The following ERBB4 variants were observed in gnomAD, a reference collection of about 807,000 sequenced individuals.
The protein encoded by ERBB4 is receptor tyrosine-protein kinase erbB-4.
In ERBB4, 42 loss-of-function variants were observed where a neutral mutation model predicts 158.0. The observed-to-expected ratio is 0.27, with a 90% CI of 0.21 to 0.34. The LOEUF (loss-of-function observed/expected upper bound fraction) is 0.34. Among genes scored for constraint, ERBB4 ranks in the 10% least tolerant of loss-of-function variants. ERBB4 has a pLI of 1.00. For missense variants in ERBB4, 1,333 were observed against 1,624.1 expected, an observed-to-expected ratio of 0.82 and a Z score of 3.08; for synonymous variants, 583 against 558.7, an observed-to-expected ratio of 1.04 and a Z score of -0.61.
chr2:212,055,858 A>C (rs534235095), intron 2 of ERBB4, among the ~76,000 whole-genome samples: 1 of 152,372 alleles, frequency 6.6e-6, no homozygotes, highest in South Asian at 2.1e-4. Flanking sequence ...GAAAATTCTA[A>C]AAATTAGACC....
intron 2 of ERBB4, among the ~76,000 whole-genome samples, chr2:212,028,883 A>G (rs1255513039): frequency 2.0e-5 from 3 of 152,222 alleles, no homozygotes; most frequent in Admixed American, 1.3e-4. Context: ...GGAGAGGGAC[A>G]TTCTAGAGTT....
rs2125310392 is a variant in ERBB4 at position 211,383,854 on chromosome 2, G to T, written c.3688C>A (p.Pro1230Thr). 4 of 1,614,104 alleles carry T rather than the reference G, an allele frequency of 2.5e-6. No individual in the cohort carries two copies. ...TCAAACGCTTTCTTGGCCTTCTCTG[G>T]CATTGACAGTATGTTGTTCTTCAGG... ...EYLKNNILSM[P>T]EKAKKAFDNP... Residue 1230 changes from proline to threonine, a missense_variant, in exon 28 of 28, where the codon CCA becomes ACA. Coordinates refer to ENST00000342788, the MANE Select transcript of ERBB4 (RefSeq NM_005235.3).
At chr2:211,833,343 T>G (rs2077267216) in intron 3 of ERBB4, among the ~76,000 whole-genome samples, 1 of 152,160 alleles carries the variant, frequency 6.6e-6, no homozygotes. Flanking sequence ...TTTTCTGCTC[T>G]GCCATTCTCA....
intron 1 of ERBB4, among the ~76,000 whole-genome samples, chr2:212,427,900 G>A (rs1043525323): frequency 6.6e-6 from 1 of 152,118 alleles, no homozygotes; most frequent in African/African-American, 2.4e-5. Context: ...AGGAAGAAGA[G>A]GGATTGAGGG....
chr2:211,748,502 C>T (rs2075037782), intron 5 of ERBB4, among the ~76,000 whole-genome samples: 2 of 151,984 alleles, frequency 1.3e-5, no homozygotes, highest in Non-Finnish European at 2.9e-5. Context: ...TCTTAAGTGC[C>T]CCTACTCAAC....
chr2:211,983,348 C>T (rs1003381473), intron 2 of ERBB4, among the ~76,000 whole-genome samples: 1 of 152,160 alleles, frequency 6.6e-6, no homozygotes, highest in South Asian at 2.1e-4. Context: ...TTGACTCTCA[C>T]ATTTCCAGAA....
chr2:211,994,536 AT>A (rs1242722834), intron 2 of ERBB4, among the ~76,000 whole-genome samples: 4 of 152,300 alleles, frequency 2.6e-5, no homozygotes, highest in African/African-American at 9.6e-5. Flanking sequence ...GTATAGTTTG[AT>A]TTTTTATATT....
In ERBB4 at chr2:212,313,551, T is replaced by C. The variant is rs72947348; in HGVS notation, c.83-188648A>G. Among the ~76,000 whole-genome samples, 800 of 150,976 alleles carry C rather than the reference T, an allele frequency of 5.3e-3. 6 individuals are homozygous for C. Among genetic ancestry groups the C allele is most frequent in the Non-Finnish European group, 7.6e-3 (509 of 67,192 alleles). On this transcript the variant is annotated intron_variant, in intron 1 of 27. Transcript: ENST00000342788. ...GTTTATTAATATCATATAATATGTA[T>C]ACTTTGATATTAAAATGTCTCAACT...
chr2:211,617,653 T>C (rs1446299549), intron 19 of ERBB4, among the ~76,000 whole-genome samples: 1 of 152,056 alleles, frequency 6.6e-6, no homozygotes, highest in Non-Finnish European at 1.5e-5. Context: ...AATAATAAGA[T>C]AGGCTGAAAG....
chr2:211,796,465 T>C (rs946001657), intron 3 of ERBB4, among the ~76,000 whole-genome samples: 10 of 151,976 alleles, frequency 6.6e-5, no homozygotes, highest in African/African-American at 2.4e-4. Context: ...CACATTTATG[T>C]TGCGTGTATA....
At chr2:212,182,879 G>GTTT (rs35593055) in intron 1 of ERBB4, among the ~76,000 whole-genome samples, 1 of 148,840 alleles carries the variant, frequency 6.7e-6, no homozygotes, top group Admixed American at 6.7e-5. Flanking sequence ...TTGGGTTGAG[G>GTTT]TTTTTTTTTA....
intron 12 of ERBB4, among the ~76,000 whole-genome samples, chr2:211,685,918 T>C (rs1448543978): frequency 6.6e-6 from 1 of 152,190 alleles, no homozygotes; most frequent in Non-Finnish European, 1.5e-5. Context: ...TATGTCCCCA[T>C]GTTAATTACA....
chr2:211,969,400 T>A (rs765303939), intron 2 of ERBB4, among the ~76,000 whole-genome samples: 2 of 152,210 alleles, frequency 1.3e-5, no homozygotes, highest in South Asian at 4.1e-4. Context: ...TGGTTTATCA[T>A]ATGTAATAAT....
intron 2 of ERBB4, among the ~76,000 whole-genome samples, chr2:212,079,518 A>T (rs761259752): frequency 2.6e-5 from 4 of 152,094 alleles, no homozygotes; most frequent in African/African-American, 7.2e-5. Context: ...TCTTGATATA[A>T]CTACTCCCAT....
intron 3 of ERBB4, among the ~76,000 whole-genome samples, chr2:211,862,845 G>A (rs1228583355): frequency 1.3e-5 from 2 of 152,194 alleles, no homozygotes; most frequent in South Asian, 2.1e-4. Context: ...TTCCTGGGTC[G>A]AGTGGGGACT....
chr2:212,532,060 A>G (rs1213471491), intron 1 of ERBB4, among the ~76,000 whole-genome samples: 2 of 152,124 alleles, frequency 1.3e-5, no homozygotes, highest in Non-Finnish European at 2.9e-5. Context: ...CAGTTTCTCA[A>G]TTCTCTTTAA....
chr2:211,864,457 G>A (rs2078152701), intron 3 of ERBB4, among the ~76,000 whole-genome samples: 1 of 152,144 alleles, frequency 6.6e-6, no homozygotes, highest in Non-Finnish European at 1.5e-5. Context: ...AAAGCTGGTG[G>A]TTCAGGTCAA....
intron 20 of ERBB4, among the ~76,000 whole-genome samples, chr2:211,457,861 G>A (rs1483750774): frequency 6.6e-6 from 1 of 152,184 alleles, no homozygotes; most frequent in East Asian, 1.9e-4. Context: ...GCAACTGCTA[G>A]AGACCAAACC....
intron 16 of ERBB4, among the ~76,000 whole-genome samples, chr2:211,643,858 G>A (rs1456677987): frequency 1.3e-5 from 2 of 151,992 alleles, no homozygotes; most frequent in East Asian, 3.9e-4. Flanking sequence ...AATTATATGT[G>A]CTGTAATAGA....
Sources: allele counts gnomAD v4.1 joint callset (sites outside exome capture counted in the v4.1 genomes callset), GRCh38; gene constraint gnomAD v4.1.1; transcripts MANE v1.5; gene names NCBI Gene and HGNC (gene_info 2026-07-23, HGNC 2026-07-21).